The following GLYATL2 variants were observed in gnomAD, a reference collection of about 807,000 sequenced individuals.
The protein encoded by GLYATL2 is glycine-N-acyltransferase like 2.
In GLYATL2, 25 loss-of-function variants were observed where a neutral mutation model predicts 21.4. That is an observed-to-expected ratio of 1.17 (90% CI 0.85 to 1.63). The LOEUF (loss-of-function observed/expected upper bound fraction) is 1.63. Ranked by LOEUF, GLYATL2 falls within the 40% of genes most tolerant of loss-of-function variation. GLYATL2 has a pLI of 0.00. For synonymous variants in GLYATL2, 114 were observed against 118.2 expected (o/e 0.96, Z 0.23); for missense variants, 361 against 343.3 (o/e 1.05, Z -0.41).
At chr11:58,870,135 A>G (rs937233580) in intron 1 of GLYATL2, among the ~76,000 whole-genome samples, 5 of 152,160 alleles carry the variant, frequency 3.3e-5, no homozygotes. Flanking sequence ...GAGAATGACA[A>G]TGGGGCACAG....
intron 1 of GLYATL2, among the ~76,000 whole-genome samples, chr11:58,882,280 G>C (rs1565104320): frequency 6.6e-6 from 1 of 152,160 alleles, no homozygotes. Context: ...ATTCTAACTG[G>C]TGTGAGATGG....
upstream of GLYATL2, chr11:58,907,121 T>A (rs1354158531): frequency 5.6e-6 from 2 of 358,946 alleles, no homozygotes; most frequent in Non-Finnish European, 1.1e-5. Flanking sequence ...TTAGGGTGGT[T>A]CTTTCCTGGC....
At chr11:58,841,041 T>C (rs1853542074) in intron 1 of GLYATL2, among the ~76,000 whole-genome samples, 1 of 152,024 alleles carries the variant, frequency 6.6e-6, no homozygotes, top group African/African-American at 2.4e-5. Flanking sequence ...TATACACGGC[T>C]GACAATATAT....
intron 1 of GLYATL2, among the ~76,000 whole-genome samples, chr11:58,902,443 G>C (rs1565112657): frequency 6.6e-6 from 1 of 152,108 alleles, no homozygotes; most frequent in Non-Finnish European, 1.5e-5. Context: ...CATTCTCTGT[G>C]ATATACTCCC....
chr11:58,856,877 G>A (rs1280472951), intron 1 of GLYATL2, among the ~76,000 whole-genome samples: 1 of 152,150 alleles, frequency 6.6e-6, no homozygotes, highest in Non-Finnish European at 1.5e-5. Context: ...AGACAGGAAG[G>A]GAGCACATTT....
intron 1 of GLYATL2, among the ~76,000 whole-genome samples, chr11:58,856,427 T>G (rs956208143): frequency 8.5e-5 from 13 of 152,256 alleles, no homozygotes; most frequent in African/African-American, 3.1e-4. Flanking sequence ...CAAAGATTTT[T>G]CCTTGCATTC....
intron 1 of GLYATL2, among the ~76,000 whole-genome samples, chr11:58,859,034 T>G (rs1853883742): frequency 6.6e-6 from 1 of 152,224 alleles, no homozygotes; most frequent in South Asian, 2.1e-4. Context: ...CAAAAACCTC[T>G]AACCCATTTC....
At chr11:58,849,231 A>T (rs755236787), upstream of GLYATL2, among the ~76,000 whole-genome samples, 2 of 152,232 alleles carry the variant, frequency 1.3e-5, no homozygotes, top group African/African-American at 4.8e-5. Context: ...TGAGCAATAA[A>T]TAATCACCAG....
At chr11:58,866,715 A>T (rs1854028952) in intron 1 of GLYATL2, among the ~76,000 whole-genome samples, 2 of 149,106 alleles carry the variant, frequency 1.3e-5, no homozygotes, top group Non-Finnish European at 1.5e-5. Flanking sequence ...TTGAACAGAG[A>T]TCGATCAGGA....
intron 1 of GLYATL2, among the ~76,000 whole-genome samples, chr11:58,891,185 T>C (rs1227408922): frequency 1.3e-5 from 2 of 152,182 alleles, no homozygotes; most frequent in Non-Finnish European, 2.9e-5. Flanking sequence ...CACCATTTTT[T>C]CTTTTACTCT....
At chr11:58,836,251 T>G (rs1239390771) in intron 5 of GLYATL2, among the ~76,000 whole-genome samples, 3 of 152,208 alleles carry the variant, frequency 2.0e-5, no homozygotes, top group African/African-American at 7.2e-5. Context: ...TAGCAATCTA[T>G]TTTGGAAATA....
chr11:58,862,152 T>C (rs1356534318), intron 1 of GLYATL2, among the ~76,000 whole-genome samples: 1 of 152,206 alleles, frequency 6.6e-6, no homozygotes, highest in Non-Finnish European at 1.5e-5. Context: ...TCTCAGCCGA[T>C]AAGCTTCTGC....
intron 1 of GLYATL2, among the ~76,000 whole-genome samples, chr11:58,864,698 G>T (rs524689): frequency 1.5e-4 from 23 of 148,674 alleles, no homozygotes; most frequent in African/African-American, 5.1e-4. Flanking sequence ...TCTGCTACAC[G>T]AAGATTCTGT....
chr11:58,893,647 G>C (rs745314853), intron 1 of GLYATL2, among the ~76,000 whole-genome samples: 21 of 152,180 alleles, frequency 1.4e-4, no homozygotes, highest in Admixed American at 3.3e-4. Flanking sequence ...CCAGGCTGGA[G>C]GTGGGAAGCA....
rs1302263389 is a variant in GLYATL2, at chr11:58,872,254, G to A, written n.60+31902C>T. Among the ~76,000 whole-genome samples the A allele has an allele frequency of 1.3e-5, 2 of 152,034 alleles. 1 individual carries two copies. The highest frequency in any genetic ancestry group is 6.4e-3 in the Middle Eastern group (2 of 314). The stretch of plus-strand genomic sequence containing the variant: ...TAGGTTGCCTGTTCACTCTGATGGT[G>A]GTTTCTTTTGCTGTGCAGAAGCTCT... On this transcript the variant is annotated intron_variant and non_coding_transcript_variant, in intron 1 of 4. Transcript: ENST00000533636.
chr11:58,845,759 T>C (rs746650419), upstream of GLYATL2, among the ~76,000 whole-genome samples: 3 of 152,200 alleles, frequency 2.0e-5, no homozygotes, highest in Admixed American at 1.3e-4. Flanking sequence ...AACTAACCAG[T>C]GGCAATGTCT....
At chr11:58,878,141 C>A (rs1241369470) in intron 1 of GLYATL2, among the ~76,000 whole-genome samples, 1 of 152,198 alleles carries the variant, frequency 6.6e-6, no homozygotes, top group Non-Finnish European at 1.5e-5. Context: ...GACCACAAGT[C>A]ACCCCTGGAG....
chr11:58,900,955 G>A (rs983043449), intron 1 of GLYATL2, among the ~76,000 whole-genome samples: 2 of 150,458 alleles, frequency 1.3e-5, no homozygotes, highest in African/African-American at 5.0e-5. Flanking sequence ...CCCTATTCCA[G>A]TAGGTTAGTT....
At chr11:58,874,765 G>A (rs1368090874) in intron 1 of GLYATL2, among the ~76,000 whole-genome samples, 1 of 152,240 alleles carries the variant, frequency 6.6e-6, no homozygotes, top group East Asian at 1.9e-4. Flanking sequence ...TGTATATTCT[G>A]TTGATTTTGG....
Sources: gnomAD v4.1 joint callset for allele counts (sites outside exome capture counted in the v4.1 genomes callset) on GRCh38, gnomAD v4.1.1 for gene constraint, MANE v1.5 for transcripts, NCBI Gene and HGNC (gene_info 2026-07-23, HGNC 2026-07-21) for gene names.